NBEAL1: variants seen among roughly 807,000 people sequenced by gnomAD.
NBEAL1 encodes neurobeachin like 1, also known as neurobeachin-like protein 1.
Under a neutral mutation model 351.3 loss-of-function variants are expected in NBEAL1, and 273 were observed. The observed-to-expected ratio is 0.78, with a 90% CI of 0.70 to 0.86. The LOEUF (loss-of-function observed/expected upper bound fraction) is 0.86, where lower values mean the gene tolerates loss of function less well. NBEAL1 is among the 40% of genes least tolerant of loss of function. The probability of loss-of-function intolerance (pLI) is 0.00; values close to 1 mark genes in which losing one functional copy is unlikely to be tolerated. For synonymous variants in NBEAL1, 1,050 were observed against 1,086.4 expected (o/e 0.97, Z 0.66); for missense variants, 2,961 against 3,201.3 (o/e 0.92, Z 1.81).
At chr2:203,071,881 A>G (rs2061689755) in intron 7 of NBEAL1, among the ~76,000 whole-genome samples, 1 of 152,222 alleles carries the variant, frequency 6.6e-6, no homozygotes, top group Non-Finnish European at 1.5e-5. Flanking sequence ...ATTAGTCATT[A>G]AAGCTTGAGA....
At chr2:203,166,738 A>G (rs917812307) in intron 37 of NBEAL1, among the ~76,000 whole-genome samples, 1 of 150,696 alleles carries the variant, frequency 6.6e-6, no homozygotes, top group African/African-American at 2.4e-5. Flanking sequence ...TTTTTTTAGT[A>G]GAGACAGGGT....
chr2:203,167,276 T>C lies in NBEAL1; in HGVS notation c.5913T>C (p.His1971=). The change falls in exon 38 of 56, where the codon CAT becomes CAC. Residue 1971 remains histidine, a synonymous_variant. Transcript: ENST00000683969. ...KWPHSQIREI[H]LRRYNLRRSA... is the part of the protein sequence containing the mutation. ...CTCATTCTCAAATTCGAGAGATTCATCTCCGGCGTTACAATTTAAGAAGAT... is the reference window on the plus strand; with the variant it reads ...CTCATTCTCAAATTCGAGAGATTCACCTCCGGCGTTACAATTTAAGAAGAT... 6.2e-7 allele frequency: 1 copy of C among 1,612,796 alleles called. No homozygotes were observed. Among genetic ancestry groups the C allele is most frequent in the Non-Finnish European group, 8.5e-7 (1 of 1,179,486 alleles).
At chr2:203,143,128 A>G (rs1356724614) in intron 31 of NBEAL1, among the ~76,000 whole-genome samples, 1 of 152,206 alleles carries the variant, frequency 6.6e-6, no homozygotes, top group Non-Finnish European at 1.5e-5. Context: ...AAGTGAGGAT[A>G]TAGGGTTAAG....
chr2:203,139,437 T>A (rs2063306421), intron 31 of NBEAL1, among the ~76,000 whole-genome samples: 1 of 151,900 alleles, frequency 6.6e-6, no homozygotes. Context: ...GATGTTTCCA[T>A]TTTTTTATTT....
chr2:203,031,316 T>A (rs1201773308), intron 2 of NBEAL1, among the ~76,000 whole-genome samples: 1 of 152,238 alleles, frequency 6.6e-6, no homozygotes, highest in Non-Finnish European at 1.5e-5. Flanking sequence ...AACATACAAT[T>A]GTGATCGTTC....
chr2:203,102,293 C>G (rs921097018), intron 12 of NBEAL1, among the ~76,000 whole-genome samples: 2 of 152,142 alleles, frequency 1.3e-5, no homozygotes, highest in African/African-American at 4.8e-5. Context: ...TACTTAGAAG[C>G]CTTTTATTTC....
intron 8 of NBEAL1, among the ~76,000 whole-genome samples, chr2:203,078,199 C>G (rs1330581687): frequency 1.3e-5 from 2 of 152,066 alleles, no homozygotes; most frequent in Admixed American, 1.3e-4. Flanking sequence ...TTTATTCACT[C>G]TTCTGTGTAC....
In NBEAL1 at chr2:203,065,564, A is replaced by G. The variant is rs188652219; in HGVS notation, c.516-2829A>G. Reference sequence around the variant, plus strand: ...TCAGGAGATTGAGACCATCCTGGCTAACACAGTGAAACCCCGTCTCTACTA... The same window carrying G: ...TCAGGAGATTGAGACCATCCTGGCTGACACAGTGAAACCCCGTCTCTACTA... On this transcript the variant is annotated intron_variant, in intron 6 of 55. Transcript: ENST00000683969. 7.4e-3 allele frequency among the ~76,000 whole-genome samples: 1,122 copies of G among 152,210 alleles called. 13 individuals carry two copies. Among genetic ancestry groups the G allele is most frequent in the African/African-American group, 0.025 (1,053 of 41,528 alleles).
chr2:203,030,059 C>G (rs1426754666), intron 2 of NBEAL1, among the ~76,000 whole-genome samples: 1 of 152,116 alleles, frequency 6.6e-6, no homozygotes, highest in Non-Finnish European at 1.5e-5. Flanking sequence ...TTTAAAGGAT[C>G]TATAGTAGCT....
rs191519804 is a variant in NBEAL1 at position 203,209,436 on chromosome 2, T to G, written c.7785+114T>G. 4.7e-5 allele frequency: 38 copies of G among 800,462 alleles called. No homozygotes were observed. The African/African-American group carries it at 6.1e-4, about 13-fold the overall frequency. 49.6% of individuals were successfully genotyped at this position (800,462 alleles called of 1,614,324 possible). A position where few individuals can be genotyped will look rare whatever the true frequency, so the allele number is the denominator to read the frequency against. Reference sequence around the variant, plus strand: ...AGAACACCATATTTTAAAGATGATGTTTTTCTTTCATCATTCAGTTGTTCG... The same window carrying G: ...AGAACACCATATTTTAAAGATGATGGTTTTCTTTCATCATTCAGTTGTTCG... On this transcript the variant is annotated intron_variant, in intron 53 of 55. Coordinates refer to ENST00000683969, the MANE Select transcript of NBEAL1 (RefSeq NM_001378026.1).
chr2:203,211,334 T>G (rs964721517), intron 54 of NBEAL1, among the ~76,000 whole-genome samples: 3 of 152,006 alleles, frequency 2.0e-5, no homozygotes, highest in African/African-American at 7.2e-5. Context: ...TTATATATAT[T>G]TTACCGCAAT....
At chr2:203,085,608 T>C (rs1468920049) in intron 10 of NBEAL1, 2 of 152,206 alleles carry the variant, frequency 1.3e-5, no homozygotes, top group Non-Finnish European at 2.9e-5. Flanking sequence ...ACCTAAATGA[T>C]GATTTTGGGT....
chr2:203,117,384 A>T (rs936743233), intron 18 of NBEAL1, among the ~76,000 whole-genome samples: 2 of 151,968 alleles, frequency 1.3e-5, no homozygotes, highest in African/African-American at 4.8e-5. Context: ...AATGGCACGA[A>T]CTGGGGAGGC....
chr2:203,066,288 G>GA (rs1307895163), intron 6 of NBEAL1, among the ~76,000 whole-genome samples: 1 of 150,850 alleles, frequency 6.6e-6, no homozygotes, highest in African/African-American at 2.4e-5. Flanking sequence ...TAATCTCGTG[G>GA]AAAAACCTAA....
chr2:203,204,453 C>T (rs2065497258), intron 51 of NBEAL1, among the ~76,000 whole-genome samples: 1 of 151,232 alleles, frequency 6.6e-6, no homozygotes. Context: ...TTCTCAACCT[C>T]CCAAGTAGCT....
intron 8 of NBEAL1, 148 bp downstream of exon 8, chr2:203,077,985 A>C: frequency 2.4e-6 from 1 of 412,224 alleles, no homozygotes. Flanking sequence ...TACTTCTTTT[A>C]TTTTCCAAAA....
intron 7 of NBEAL1, among the ~76,000 whole-genome samples, chr2:203,076,317 T>C (rs1202300442): frequency 6.6e-6 from 1 of 151,222 alleles, no homozygotes; most frequent in East Asian, 1.9e-4. Flanking sequence ...ACCCTGTCTC[T>C]GCAAAAAAAT....
rs1414637771 is a variant in NBEAL1, at chr2:203,224,833, T to C, written c.*7479T>C. ...CCAAAAACATTTTAAAGCTGAGCAATTTTTAATAAAGATGTATAAATAATT... is the reference window on the plus strand; with the variant it reads ...CCAAAAACATTTTAAAGCTGAGCAACTTTTAATAAAGATGTATAAATAATT... On this transcript the variant is annotated 3_prime_UTR_variant, in exon 56 of 56. Coordinates refer to ENST00000683969, the MANE Select transcript of NBEAL1 (RefSeq NM_001378026.1). 6.6e-6 allele frequency among the ~76,000 whole-genome samples: 1 copy of C among 152,204 alleles called. No individual in the cohort carries two copies. Among genetic ancestry groups the C allele is most frequent in the Non-Finnish European group, 1.5e-5 (1 of 68,016 alleles).
chr2:203,033,714 A>G (rs1475683833), intron 2 of NBEAL1, among the ~76,000 whole-genome samples: 2 of 152,186 alleles, frequency 1.3e-5, no homozygotes, highest in African/African-American at 4.8e-5. Flanking sequence ...TCCAAGTGAA[A>G]AGTGTTGGGA....
Sources: allele counts gnomAD v4.1 joint callset (sites outside exome capture counted in the v4.1 genomes callset), GRCh38; gene constraint gnomAD v4.1.1; transcripts MANE v1.5; gene names NCBI Gene and HGNC (gene_info 2026-07-23, HGNC 2026-07-21).